The following SMARCC2 variants were observed in gnomAD, a reference collection of about 807,000 sequenced individuals.
The protein encoded by SMARCC2 is SWI/SNF related BAF chromatin remodeling complex subunit C2, also known as SWI/SNF complex subunit SMARCC2.
SMARCC2 carries 15 observed loss-of-function variants against 151.3 expected under a neutral mutation model. The ratio of observed to expected loss-of-function variants is 0.10; its 90% CI spans 0.07 to 0.15. SMARCC2 has a LOEUF of 0.15. Ranked by LOEUF, SMARCC2 falls within the 10% of genes least tolerant of loss-of-function variation. The pLI, the probability that SMARCC2 is intolerant of heterozygous loss-of-function variation, is 1.00. For synonymous variants in SMARCC2, 590 were observed against 609.5 expected (o/e 0.97, Z 0.47); for missense variants, 1,031 against 1,599.7 (o/e 0.64, Z 6.06).
rs916774504 is a variant in SMARCC2 at position 56,172,361 on chromosome 12, C to T, written c.1926+67G>A. On this transcript the variant is annotated intron_variant, in intron 20 of 28. Coordinates refer to ENST00000550164, the MANE Select transcript of SMARCC2 (RefSeq NM_001330288.2). ...CCTCCCAAAGTGCTGGGATTACAGG[C>T]GTGAGCCTCTACACGGAGCCCACTT... 8.5e-6 allele frequency: 12 copies of T among 1,403,640 alleles called. No individual in the cohort carries two copies. The African/African-American group carries it at 1.4e-4, about 17-fold the overall frequency. The allele number at this position is 1,403,640 out of a possible 1,614,324, so 86.9% of individuals were successfully genotyped here.
At chr12:56,168,038 T>TTCCAGGGC in intron 26 of SMARCC2, 22 bp downstream of exon 26, 1 of 1,608,120 alleles carries the variant, frequency 6.2e-7, no homozygotes, top group Non-Finnish European at 8.5e-7. Flanking sequence ...CGCAGCAGGG[T>TTCCAGGGC]TCCAGGGCTC....
intron 26 of SMARCC2, among the ~76,000 whole-genome samples, 171 bp downstream of exon 26, chr12:56,167,889 A>C (rs933585650): frequency 1.6e-4 from 21 of 132,630 alleles, no homozygotes; most frequent in Admixed American, 9.4e-4. Flanking sequence ...CTTTCACTGA[A>C]ACACACACAC....
At chr12:56,167,394 G>T (rs1430000642) in intron 26 of SMARCC2, among the ~76,000 whole-genome samples, 1 of 152,136 alleles carries the variant, frequency 6.6e-6, no homozygotes, top group African/African-American at 2.4e-5. Context: ...TTGAGACAGA[G>T]ATCTCACTAT....
Position 56,189,412 on chromosome 12 carries a change from G to T in SMARCC2, c.50C>A (p.Ala17Asp). The change falls in exon 1 of 29, where the codon GCC becomes GAC. Residue 17 changes from alanine to aspartate, a missense_variant. Physicochemically the swap from Ala to Asp is moderately radical, Grantham distance 126. Coordinates refer to ENST00000550164, the MANE Select transcript of SMARCC2 (RefSeq NM_001330288.2). ...GTCGAACTGGGTCACGGTGTCCGCG[G>T]CCTCGTAGTACTTCACGTTGGGGCC... is the stretch of plus-strand genomic sequence containing the variant. ...DGGPNVKYYE[A>D]ADTVTQFDNV... The T allele has an allele frequency of 6.5e-7, 1 of 1,536,066 alleles. No homozygotes were observed. The highest frequency in any genetic ancestry group is 8.8e-7 in the Non-Finnish European group (1 of 1,137,906).
intron 3 of SMARCC2, chr12:56,185,338 G>A (rs1877032050): frequency 6.2e-6 from 3 of 481,380 alleles, no homozygotes; most frequent in South Asian, 2.2e-5. Context: ...ACCACCTCAC[G>A]TGGCTAATTT....
intron 20 of SMARCC2, 143 bp downstream of exon 20, chr12:56,172,285 T>C: frequency 2.8e-6 from 2 of 710,378 alleles, no homozygotes; most frequent in Non-Finnish European, 2.3e-6. Context: ...TCTCACTATG[T>C]TGCCCAGGTT....
chr12:56,177,947 G>T, intron 15 of SMARCC2, 75 bp downstream of exon 15: 4 of 1,032,652 alleles, frequency 3.9e-6, no homozygotes, highest in South Asian at 1.4e-5. Context: ...TTGCTAAACT[G>T]AATGTTACTG....
At chr12:56,176,923 G>A (rs930318571) in intron 15 of SMARCC2, among the ~76,000 whole-genome samples, 28 of 152,198 alleles carry the variant, frequency 1.8e-4, no homozygotes, top group African/African-American at 6.3e-4. Context: ...CCGGGTTCAA[G>A]CGATTCTCCT....
At position 56,171,577 on chromosome 12, in the gene SMARCC2, A is replaced by G; in HGVS notation, c.2185+102T>C. On this transcript the variant is annotated intron_variant, in intron 21 of 28. Transcript: ENST00000550164. This position sits in a 1 kb window ranked among gnomAD's most constrained non-coding sequence, Gnocchi z 4.2. ...TGCCTGAGCTGAGGCCCGCACAGAC[A>G]AGGCCAGCAGGGCAGCCAAACTTGA... 1 of 1,489,150 alleles carries G rather than the reference A, an allele frequency of 6.7e-7. No individual in the cohort carries two copies. The highest frequency in any genetic ancestry group is 9.1e-7 in the Non-Finnish European group (1 of 1,100,768). The allele number at this position is 1,489,150 out of a possible 1,614,324, so 92.2% of individuals were successfully genotyped here. A position where few individuals can be genotyped will look rare whatever the true frequency, so the allele number is the denominator to read the frequency against.
rs2135761218 is a variant in SMARCC2 at position 56,187,274 on chromosome 12, G to A, written c.144C>T (p.Ser48=). The change falls in exon 2 of 29, where the codon TCC becomes TCT. Residue 48 remains serine (S), a synonymous_variant. Transcript: ENST00000550164. ...YIQAEPPTNK[S]LSSLVVQLLQ... is the part of the protein sequence containing the mutation. ...GCAACTGTACAACCAGGCTAGACAGGGACTTGTTGGTGGGTGGTTCAGCTT... is the reference window on the plus strand; with the variant it reads ...GCAACTGTACAACCAGGCTAGACAGAGACTTGTTGGTGGGTGGTTCAGCTT... 2 of 1,613,596 alleles carry A rather than the reference G, an allele frequency of 1.2e-6. No individual in the cohort carries two copies. Among genetic ancestry groups the A allele is most frequent in the South Asian group, 2.2e-5 (2 of 91,040 alleles).
At position 56,163,648 on chromosome 12, in the gene SMARCC2, T is replaced by C; in HGVS notation, c.*41A>G. On this transcript the variant is annotated 3_prime_UTR_variant, in exon 29 of 29. Coordinates refer to ENST00000550164, the MANE Select transcript of SMARCC2 (RefSeq NM_001330288.2). ...GGAAGGGCTGTTCCTGGAACCGTGA[T>C]GTCCACAGGGGGTGAGGGGGAGAGA... 8.5e-7 allele frequency: 1 copy of C among 1,179,510 alleles called. No individual in the cohort carries two copies. Among genetic ancestry groups the C allele is most frequent in the Non-Finnish European group, 1.2e-6 (1 of 856,184 alleles). 73.1% of individuals were successfully genotyped at this position (1,179,510 alleles called of 1,614,324 possible).
In SMARCC2 at chr12:56,189,338, C is replaced by T; in HGVS notation, c.111+13G>A. 6.7e-7 allele frequency: 1 copy of T among 1,484,822 alleles called. No homozygotes were observed. The highest frequency in any genetic ancestry group is 9.1e-7 in the Non-Finnish European group (1 of 1,101,652). 92.0% of individuals were successfully genotyped at this position (1,484,822 alleles called of 1,614,324 possible). On this transcript the variant is annotated intron_variant, in intron 1 of 28. Transcript: ENST00000550164. ...GCCCCCGGTCCCCGCGCGGCCCGGCCCGGCCCGCGTACCTTCTTGTAGTTC... is the reference window on the plus strand; with the variant it reads ...GCCCCCGGTCCCCGCGCGGCCCGGCTCGGCCCGCGTACCTTCTTGTAGTTC...
chr12:56,175,077 T>C (rs983624340), intron 15 of SMARCC2, among the ~76,000 whole-genome samples: 2 of 152,202 alleles, frequency 1.3e-5, no homozygotes, highest in African/African-American at 4.8e-5. Context: ...AATGGCATGA[T>C]CTTGGCTCAT....
At chr12:56,170,917 G>A (rs1873828502) in intron 22 of SMARCC2, among the ~76,000 whole-genome samples, 2 of 151,606 alleles carry the variant, frequency 1.3e-5, no homozygotes, top group Admixed American at 1.3e-4. Flanking sequence ...ATATTTAGTA[G>A]AGACAGGGTT....
rs1192536270 is a variant in SMARCC2 at position 56,167,982 on chromosome 12, ACACACACACACACACACG to A, written c.2850+60_2850+77del. 69 of 1,402,960 alleles carry A rather than the reference ACACACACACACACACACG, an allele frequency of 4.9e-5. No individual in the cohort carries two copies. In the African/African-American group the frequency reaches 9.2e-4, roughly 19 times the overall value. The allele number at this position is 1,402,960 out of a possible 1,614,324, so 86.9% of individuals were successfully genotyped here. ...CACACACACACACACACACACACAC[ACACACACACACACACACG>A]CCCCTCCGATTTTAAACTGAGGCAC... On this transcript the variant is annotated intron_variant, in intron 26 of 28. Transcript: ENST00000550164.
chr12:56,176,269 CAGGAAGAGA>C (rs1017021116), intron 15 of SMARCC2, among the ~76,000 whole-genome samples: 4 of 152,178 alleles, frequency 2.6e-5, no homozygotes, highest in African/African-American at 9.7e-5. Context: ...CTGCTTTCTC[CAGGAAGAGA>C]AGGAAGAGAG....
chr12:56,181,463 A>T lies in SMARCC2; in HGVS notation c.956+19T>A, dbSNP rs1414678045. ...TGGAGAGAATGGTGAACACGGGGGC[A>T]GGCTAGGGGCTGGCACACCCTTTCT... On this transcript the variant is annotated intron_variant, in intron 10 of 28. Coordinates refer to ENST00000550164, the MANE Select transcript of SMARCC2 (RefSeq NM_001330288.2). 7.3e-7 allele frequency: 1 copy of T among 1,367,164 alleles called. No homozygotes were observed. 84.7% of individuals were successfully genotyped at this position (1,367,164 alleles called of 1,614,324 possible).
rs752363090 is a variant in SMARCC2 at position 56,173,722 on chromosome 12, C to A, written c.1624G>T (p.Val542Leu). The A allele has an allele frequency of 6.2e-7, 1 of 1,613,928 alleles. No homozygotes were observed. The highest frequency in any genetic ancestry group is 8.5e-7 in the Non-Finnish European group (1 of 1,179,876). ...HVLADTPSGL[V>L]PLQPKTPQGR... Reference sequence around the variant, plus strand: ...TGAGGTGTCTTGGGCTGCAGAGGCACCAGCCCTGATGGTGTGTCAGCCAAG... The same window carrying A: ...TGAGGTGTCTTGGGCTGCAGAGGCAACAGCCCTGATGGTGTGTCAGCCAAG... The change falls in exon 17 of 29, where the codon GTG becomes TTG. Residue 542 changes from valine to leucine, a missense_variant. Val to Leu is a conservative substitution (Grantham distance 32). Coordinates refer to ENST00000550164, the MANE Select transcript of SMARCC2 (RefSeq NM_001330288.2).
chr12:56,171,055 CT>C lies in SMARCC2; in HGVS notation c.2347+215del, dbSNP rs1873853478. 1.3e-5 allele frequency among the ~76,000 whole-genome samples: 2 copies of C among 152,158 alleles called. No individual in the cohort carries two copies. Among genetic ancestry groups the C allele is most frequent in the African/African-American group, 4.8e-5 (2 of 41,422 alleles). On this transcript the variant is annotated intron_variant, in intron 22 of 28. Coordinates refer to ENST00000550164, the MANE Select transcript of SMARCC2 (RefSeq NM_001330288.2). The surrounding 1 kb of genome is among the most constrained non-coding windows in gnomAD (Gnocchi z 4.2). ...CTTCACAAGACTTTTCTAACAGCCC[CT>C]TCTACAAGCAAAGATTTTTCTACCC... is the stretch of plus-strand genomic sequence containing the variant.
Sources: gnomAD v4.1 joint callset for allele counts (sites outside exome capture counted in the v4.1 genomes callset) on GRCh38, gnomAD v4.1.1 for gene constraint, Gnocchi (gnomAD v3.1) non-coding constraint, MANE v1.5 for transcripts, NCBI Gene and HGNC (gene_info 2026-07-23, HGNC 2026-07-21) for gene names.